The following ACSM6 variants were observed in gnomAD, a reference collection of about 807,000 sequenced individuals.
ACSM6 encodes the protein acyl-coenzyme A synthetase ACSM6, mitochondrial.
A neutral mutation model predicts 51.1 loss-of-function variants in ACSM6; 35 were observed. The ratio of observed to expected loss-of-function variants is 0.69; its 90% CI spans 0.52 to 0.91. The LOEUF (loss-of-function observed/expected upper bound fraction) is 0.91. Among genes scored for constraint, ACSM6 ranks in the 40% least tolerant of loss-of-function variants. The probability of loss-of-function intolerance (pLI) is 0.00; values close to 1 mark genes in which losing one functional copy is unlikely to be tolerated. For synonymous variants in ACSM6, 172 were observed against 207.3 expected (o/e 0.83, Z 1.46); for missense variants, 509 against 584.1 (o/e 0.87, Z 1.32).
chr10:95,223,549 C>T (rs637939), intron 9 of ACSM6, among the ~76,000 whole-genome samples: 79,707 of 151,836 alleles, frequency 0.52, 21,832 homozygotes, highest in Middle Eastern at 0.66. Context: ...CCAATTAATA[C>T]ACCATAAAAC....
chr10:95,196,306 T>G (rs1422156208), intron 2 of ACSM6, among the ~76,000 whole-genome samples: 1 of 152,170 alleles, frequency 6.6e-6, no homozygotes. Flanking sequence ...GCCAAGGAAT[T>G]CAGAGGGCTG....
chr10:95,212,131 GA>G, intron 6 of ACSM6, 97 bp downstream of exon 6: 1 of 1,444,560 alleles, frequency 6.9e-7, no homozygotes, highest in Admixed American at 1.9e-5. Flanking sequence ...GGCAAATCAA[GA>G]GTTAAATTTG....
At chr10:95,197,904 C>G (rs1328196956) in intron 2 of ACSM6, among the ~76,000 whole-genome samples, 1 of 152,256 alleles carries the variant, frequency 6.6e-6, no homozygotes, top group Non-Finnish European at 1.5e-5. Flanking sequence ...TTCCGCAGTG[C>G]ACTGTGCCCC....
At chr10:95,201,656 T>C (rs1169849539) in intron 2 of ACSM6, 2 of 493,830 alleles carry the variant, frequency 4.0e-6, no homozygotes, top group Non-Finnish European at 3.9e-6. Context: ...ATGATTTCTT[T>C]TCTTTTGGGT....
intron 2 of ACSM6, among the ~76,000 whole-genome samples, chr10:95,199,453 T>C (rs1185148097): frequency 6.6e-6 from 1 of 152,142 alleles, no homozygotes; most frequent in Non-Finnish European, 1.5e-5. Context: ...AAGGACTTCA[T>C]GTCTAAAACA....
intron 8 of ACSM6, among the ~76,000 whole-genome samples, chr10:95,216,694 A>G (rs1368556208): frequency 6.6e-6 from 1 of 152,132 alleles, no homozygotes; most frequent in East Asian, 1.9e-4. Flanking sequence ...CAAGGAATAT[A>G]AAAGGATCAA....
intron 2 of ACSM6, chr10:95,201,362 A>C: frequency 2.4e-6 from 1 of 415,718 alleles, no homozygotes; most frequent in Middle Eastern, 7.7e-4. Context: ...TTATGTCCAT[A>C]TGTACCCACT....
At chr10:95,209,114 G>A (rs1419569359) in intron 4 of ACSM6, among the ~76,000 whole-genome samples, 1 of 152,106 alleles carries the variant, frequency 6.6e-6, no homozygotes, top group African/African-American at 2.4e-5. Flanking sequence ...GGTCTGATGT[G>A]GAGATGGGGG....
chr10:95,218,253 A>T (rs1232947941), intron 8 of ACSM6, among the ~76,000 whole-genome samples: 1 of 152,240 alleles, frequency 6.6e-6, no homozygotes, highest in Non-Finnish European at 1.5e-5. Context: ...CATGGGAGAA[A>T]ATGTACATCT....
intron 2 of ACSM6, among the ~76,000 whole-genome samples, chr10:95,197,717 A>C (rs1215180594): frequency 6.6e-6 from 1 of 152,074 alleles, no homozygotes; most frequent in Non-Finnish European, 1.5e-5. Context: ...GCCTTCCTCT[A>C]TCTCAACTGC....
At chr10:95,196,161 T>A (rs1225580103) in intron 2 of ACSM6, among the ~76,000 whole-genome samples, 1 of 152,264 alleles carries the variant, frequency 6.6e-6, no homozygotes, top group African/African-American at 2.4e-5. Flanking sequence ...CCGCATGGCA[T>A]CTGGCACCAT....
chr10:95,223,787 A>T (rs1264460312), intron 9 of ACSM6, among the ~76,000 whole-genome samples: 1 of 152,176 alleles, frequency 6.6e-6, no homozygotes, highest in Admixed American at 6.5e-5. Flanking sequence ...TTCACTCTTC[A>T]TAGAGGTTCT....
At chr10:95,203,041 C>T (rs557192647) in intron 3 of ACSM6, among the ~76,000 whole-genome samples, 142 of 152,096 alleles carry the variant, frequency 9.3e-4, no homozygotes, top group African/African-American at 3.0e-3. Flanking sequence ...GCAGGAGATG[C>T]GCAGAGGGCA....
At chr10:95,208,892 T>C (rs917452539) in intron 4 of ACSM6, among the ~76,000 whole-genome samples, 2 of 131,972 alleles carry the variant, frequency 1.5e-5, no homozygotes, top group African/African-American at 5.9e-5. Context: ...TAATTATCAA[T>C]GTGGTCTTTA....
intron 10 of ACSM6, 49 bp downstream of exon 10, chr10:95,225,440 C>A: frequency 1.6e-6 from 2 of 1,274,804 alleles, no homozygotes; most frequent in Non-Finnish European, 2.2e-6. Flanking sequence ...TGCTACTAAT[C>A]GTAGTGCCAT....
chr10:95,199,152 G>A (rs1305069767), intron 2 of ACSM6, among the ~76,000 whole-genome samples: 2 of 152,150 alleles, frequency 1.3e-5, no homozygotes, highest in Non-Finnish European at 2.9e-5. Flanking sequence ...CCAAAACAGA[G>A]ATATAGATCA....
At chr10:95,200,803 G>C (rs1037452125) in intron 2 of ACSM6, among the ~76,000 whole-genome samples, 3 of 151,338 alleles carry the variant, frequency 2.0e-5, no homozygotes, top group African/African-American at 7.3e-5. Context: ...AAAGAGGCGA[G>C]AGATGGGGGA....
chr10:95,220,477 T>C (rs975120273), intron 9 of ACSM6, among the ~76,000 whole-genome samples: 13 of 152,284 alleles, frequency 8.5e-5, no homozygotes, highest in African/African-American at 3.1e-4. Flanking sequence ...AAATGCTGTG[T>C]CTAGGATTTT....
At chr10:95,217,354 AAAAAG>A (rs1371387649) in intron 8 of ACSM6, among the ~76,000 whole-genome samples, 7 of 151,154 alleles carry the variant, frequency 4.6e-5, no homozygotes, top group South Asian at 2.1e-4. Flanking sequence ...CTCAAAAAAA[AAAAAG>A]AAAAAGAAAA....
Sources: gnomAD v4.1 joint callset for allele counts (sites outside exome capture counted in the v4.1 genomes callset) on GRCh38, gnomAD v4.1.1 for gene constraint, MANE v1.5 for transcripts, NCBI Gene and HGNC (gene_info 2026-07-23, HGNC 2026-07-21) for gene names.